The following LARGE1 variants were observed in gnomAD, a reference collection of about 807,000 sequenced individuals.
LARGE1 encodes xylosyl- and glucuronyltransferase LARGE1.
LARGE1 carries 43 observed loss-of-function variants against 87.6 expected under a neutral mutation model. That is an observed-to-expected ratio of 0.49 (90% CI 0.38 to 0.63). The LOEUF is 0.63. Among genes scored for constraint, LARGE1 ranks in the 30% least tolerant of loss-of-function variants. The pLI, the probability that LARGE1 is intolerant of heterozygous loss-of-function variation, is 0.00. For missense variants in LARGE1, 802 were observed against 1,000.2 expected, an observed-to-expected ratio of 0.80 and a Z score of 2.67; for synonymous variants, 434 against 394.6, an observed-to-expected ratio of 1.10 and a Z score of -1.18.
chr22:33,806,880 C>T (rs1004573393), intron 1 of LARGE1, among the ~76,000 whole-genome samples: 10 of 152,234 alleles, frequency 6.6e-5, no homozygotes, highest in Admixed American at 2.0e-4. Flanking sequence ...CATGGTGTCA[C>T]GTGCCTGTAG....
chr22:33,384,373 T>C, intron 7 of LARGE1, 69 bp from the exon 8 acceptor site: 1 of 1,059,604 alleles, frequency 9.4e-7, no homozygotes. Context: ...GCACACCTAC[T>C]CACATCACAG....
intron 1 of LARGE1, among the ~76,000 whole-genome samples, chr22:33,894,441 C>G (rs2065081502): frequency 6.6e-6 from 1 of 152,188 alleles, no homozygotes; most frequent in African/African-American, 2.4e-5. Flanking sequence ...AACCTTATTC[C>G]TGACCCCCTT....
At position 33,283,846 on chromosome 22, in the gene LARGE1, GA is replaced by G. The variant is rs1334173749; in HGVS notation, c.1731-499del. ...AGAAAAGAAAGGAAAGAAAAGAAAAGAAAGAAAAAGTAAAGAAAGAAAAAAG... is the reference window on the plus strand; with the variant it reads ...AGAAAAGAAAGGAAAGAAAAGAAAAGAAGAAAAAGTAAAGAAAGAAAAAAG... On this transcript the variant is annotated intron_variant, in intron 12 of 14. Transcript: ENST00000397394. Among the ~76,000 whole-genome samples the G allele has an allele frequency of 4.1e-5, 5 of 122,474 alleles. No individual in the cohort carries two copies. In the East Asian group the frequency reaches 1.1e-3, roughly 27 times the overall value. 80.3% of individuals were successfully genotyped at this position (122,474 alleles called of 152,430 possible).
intron 3 of LARGE1, among the ~76,000 whole-genome samples, chr22:33,636,273 C>T (rs532859795): frequency 6.6e-6 from 1 of 152,180 alleles, no homozygotes; most frequent in East Asian, 1.9e-4. Context: ...AATACTGATC[C>T]ATCATGGGGG....
chr22:33,657,591 AG>A (rs2081002682), intron 2 of LARGE1, among the ~76,000 whole-genome samples: 1 of 152,092 alleles, frequency 6.6e-6, no homozygotes, highest in African/African-American at 2.4e-5. Flanking sequence ...AAACACAAGC[AG>A]AGGGCCAGAT....
intron 6 of LARGE1, among the ~76,000 whole-genome samples, chr22:33,433,607 C>CAAAAAAAAAAAAAAAAAAAAA (rs57605083): frequency 2.3e-5 from 2 of 88,258 alleles, no homozygotes; most frequent in Non-Finnish European, 4.1e-5. Context: ...AAAAACAAAA[C>CAAAAAAAAAAAAAAAAAAAAA]AAAAAAAAAA....
intron 5 of LARGE1, among the ~76,000 whole-genome samples, chr22:33,566,907 AG>A (rs1483155307): frequency 6.6e-6 from 1 of 152,184 alleles, no homozygotes; most frequent in Non-Finnish European, 1.5e-5. Flanking sequence ...CATTTGACCC[AG>A]GAAGTCCAGC....
intron 14 of LARGE1, among the ~76,000 whole-genome samples, chr22:33,274,924 G>A (rs371592617): frequency 3.9e-5 from 6 of 152,260 alleles, no homozygotes; most frequent in African/African-American, 1.2e-4. Flanking sequence ...GTGCTGAGCC[G>A]AGCTCATGGC....
chr22:33,212,501 G>C (rs1925011254), intron 11 of LARGE1, among the ~76,000 whole-genome samples: 1 of 152,166 alleles, frequency 6.6e-6, no homozygotes. Context: ...TCATGCAACA[G>C]TTCTGAGGGA....
chr22:33,434,739 T>C (rs1372710671), intron 6 of LARGE1, among the ~76,000 whole-genome samples: 1 of 152,194 alleles, frequency 6.6e-6, no homozygotes, highest in African/African-American at 2.4e-5. Flanking sequence ...ACAAATACTC[T>C]ACGAGCTACA....
intron 5 of LARGE1, among the ~76,000 whole-genome samples, chr22:33,570,734 C>A (rs1038807772): frequency 1.3e-5 from 2 of 150,474 alleles, no homozygotes; most frequent in Non-Finnish European, 3.0e-5. Context: ...AACTGGACAG[C>A]ACACTTTGGG....
chr22:33,068,198 A>G, the LARGE1 span, among the ~76,000 whole-genome samples: 1 of 152,086 alleles, frequency 6.6e-6, no homozygotes, highest in African/African-American at 2.4e-5. Context: ...GATTTTTGTG[A>G]TTGGGTCACC....
In LARGE1 at chr22:33,816,733, C is replaced by CAGACAGACAGAT. The variant is rs763136582; in HGVS notation, c.-82-55176_-82-55175insATCTGTCTGTCT. Among the ~76,000 whole-genome samples the CAGACAGACAGAT allele has an allele frequency of 3.3e-3, 498 of 150,098 alleles. 3 individuals are homozygous for CAGACAGACAGAT. Among genetic ancestry groups the CAGACAGACAGAT allele is most frequent in the Non-Finnish European group, 4.5e-3 (306 of 67,686 alleles). On this transcript the variant is annotated intron_variant, in intron 1 of 14. Transcript: ENST00000397394. ...ACAGACAGACAGACAGACAGACAGA[C>CAGACAGACAGAT]AGATACAGAAAGACAGATACAGACA...
chr22:33,848,399 TGA>T (rs1441215509), intron 1 of LARGE1, among the ~76,000 whole-genome samples: 1 of 132,430 alleles, frequency 7.6e-6, no homozygotes, highest in Non-Finnish European at 1.6e-5. Flanking sequence ...GGGCAGGCAC[TGA>T]GAGTCTTTGG....
intron 9 of LARGE1, among the ~76,000 whole-genome samples, chr22:33,380,550 GACTA>G (rs1290188602): frequency 7.9e-5 from 12 of 152,130 alleles, no homozygotes; most frequent in Non-Finnish European, 1.2e-4. Flanking sequence ...CTAGGTAACA[GACTA>G]ACTATTGGAT....
At chr22:33,742,550 C>T (rs892911524) in intron 2 of LARGE1, among the ~76,000 whole-genome samples, 2 of 152,166 alleles carry the variant, frequency 1.3e-5, no homozygotes, top group Non-Finnish European at 2.9e-5. Context: ...GGGACCCCTC[C>T]AAGGCCATGT....
At chr22:33,611,163 C>T (rs969007108) in intron 4 of LARGE1, among the ~76,000 whole-genome samples, 1 of 152,228 alleles carries the variant, frequency 6.6e-6, no homozygotes. Flanking sequence ...ACAAAGTCCC[C>T]TCTGGGACAC....
intron 6 of LARGE1, 138 bp from the exon 7 acceptor site, chr22:33,432,403 C>G: frequency 1.4e-6 from 1 of 702,952 alleles, no homozygotes; most frequent in Non-Finnish European, 2.6e-6. Context: ...GAAGTGCCAG[C>G]CTCTGACCTA....
At chr22:33,281,903 T>C (rs1930515040) in intron 13 of LARGE1, among the ~76,000 whole-genome samples, 1 of 152,212 alleles carries the variant, frequency 6.6e-6, no homozygotes, top group Non-Finnish European at 1.5e-5. Context: ...TGCTAGAAAT[T>C]TCTAGAAACT....
Sources: allele counts gnomAD v4.1 joint callset (sites outside exome capture counted in the v4.1 genomes callset), GRCh38; gene constraint gnomAD v4.1.1; transcripts MANE v1.5; gene names NCBI Gene and HGNC (gene_info 2026-07-23, HGNC 2026-07-21).